The following FOCAD variants were observed in gnomAD, a reference collection of about 807,000 sequenced individuals.
FOCAD encodes the protein focadhesin.
In FOCAD, 198 loss-of-function variants were observed where a neutral mutation model predicts 225.6. The observed-to-expected ratio is 0.88, with a 90% CI of 0.78 to 0.99. The LOEUF is 0.99. Among genes scored for constraint, FOCAD ranks in the 50% least tolerant of loss-of-function variants. The probability of loss-of-function intolerance (pLI) is 0.00; values close to 1 mark genes in which losing one functional copy is unlikely to be tolerated. For missense variants in FOCAD, 2,713 were observed against 2,123.6 expected (o/e 1.28, Z -5.46); for synonymous variants, 897 against 755.0 (o/e 1.19, Z -3.08).
intron 42 of FOCAD, among the ~76,000 whole-genome samples, chr9:20,992,173 T>C (rs1255650984): frequency 6.6e-6 from 1 of 152,220 alleles, no homozygotes; most frequent in East Asian, 1.9e-4. Flanking sequence ...TAAATTACCC[T>C]GTATCTAATT....
intron 2 of FOCAD, among the ~76,000 whole-genome samples, chr9:20,661,558 G>A (rs1415687852): frequency 6.6e-6 from 1 of 152,200 alleles, no homozygotes; most frequent in Admixed American, 6.6e-5. Flanking sequence ...AGAGGGAACT[G>A]TTAAACTGAG....
chr9:20,968,644 G>A (rs1049194864), intron 35 of FOCAD, among the ~76,000 whole-genome samples: 23 of 151,966 alleles, frequency 1.5e-4, no homozygotes, highest in Admixed American at 4.6e-4. Context: ...GTTTGACCAT[G>A]CTGTCTAGGC....
chr9:20,794,913 AT>A (rs1820894598), intron 11 of FOCAD, among the ~76,000 whole-genome samples: 1 of 152,162 alleles, frequency 6.6e-6, no homozygotes, highest in African/African-American at 2.4e-5. Flanking sequence ...TATTTCAATA[AT>A]TTTTTTCTTA....
At chr9:20,886,611 G>T (rs370687899) in intron 21 of FOCAD, among the ~76,000 whole-genome samples, 3 of 152,300 alleles carry the variant, frequency 2.0e-5, no homozygotes, top group East Asian at 3.9e-4. Context: ...TAAGATACTT[G>T]TTGCTTGTGC....
chr9:20,953,853 A>G (rs1244971356), intron 35 of FOCAD, among the ~76,000 whole-genome samples: 1 of 152,164 alleles, frequency 6.6e-6, no homozygotes, highest in Non-Finnish European at 1.5e-5. Context: ...CAGTGCCTGT[A>G]TTATAGCAAG....
At chr9:20,739,603 A>T (rs912305383) in intron 4 of FOCAD, among the ~76,000 whole-genome samples, 1 of 96,148 alleles carries the variant, frequency 1.0e-5, no homozygotes. Context: ...AACTCCATCT[A>T]AAAAAAAAAA....
chr9:20,712,930 G>A (rs764178609), intron 1 of FOCAD, among the ~76,000 whole-genome samples: 5 of 151,652 alleles, frequency 3.3e-5, no homozygotes, highest in Non-Finnish European at 7.4e-5. Context: ...ACAGGGTTTC[G>A]CCATGTTGGC....
intron 2 of FOCAD, among the ~76,000 whole-genome samples, chr9:20,668,205 G>A (rs911104147): frequency 2.0e-5 from 3 of 152,034 alleles, no homozygotes; most frequent in Non-Finnish European, 4.4e-5. Context: ...CTCTATTTGA[G>A]AGTTCATTGC....
At chr9:20,940,320 G>C (rs1330492699) in intron 28 of FOCAD, among the ~76,000 whole-genome samples, 3 of 132,096 alleles carry the variant, frequency 2.3e-5, no homozygotes, top group Admixed American at 8.5e-5. Context: ...ATATCACTCT[G>C]TTGCTCAGGC....
intron 5 of FOCAD, among the ~76,000 whole-genome samples, chr9:20,742,966 CA>C (rs759799641): frequency 6.6e-5 from 10 of 152,258 alleles, no homozygotes; most frequent in Non-Finnish European, 1.0e-4. Context: ...GGCCGTTTAG[CA>C]CTATAAATCA....
intron 28 of FOCAD, among the ~76,000 whole-genome samples, chr9:20,941,856 A>G (rs1382702882): frequency 6.6e-6 from 1 of 152,196 alleles, no homozygotes; most frequent in Non-Finnish European, 1.5e-5. Flanking sequence ...TGCCCAAGCT[A>G]TTCTTGGTTC....
At chr9:20,939,346 A>G (rs1204170140) in intron 28 of FOCAD, among the ~76,000 whole-genome samples, 1 of 152,124 alleles carries the variant, frequency 6.6e-6, no homozygotes, top group Non-Finnish European at 1.5e-5. Flanking sequence ...TAGGAATAAG[A>G]TATTTTCATG....
intron 5 of FOCAD, among the ~76,000 whole-genome samples, chr9:20,754,574 C>G (rs1828872103): frequency 6.6e-6 from 1 of 151,208 alleles, no homozygotes; most frequent in Non-Finnish European, 1.5e-5. Flanking sequence ...CAATTTGGGA[C>G]TGGTGCAATG....
At chr9:20,716,587 C>G (rs992220779) in intron 2 of FOCAD, among the ~76,000 whole-genome samples, 1 of 151,998 alleles carries the variant, frequency 6.6e-6, no homozygotes, top group South Asian at 2.1e-4. Flanking sequence ...ATAGCTTTTT[C>G]TTTGTCCCTA....
At chr9:20,935,168 C>G (rs1835836693) in intron 28 of FOCAD, among the ~76,000 whole-genome samples, 1 of 152,130 alleles carries the variant, frequency 6.6e-6, no homozygotes. Flanking sequence ...TTTTGAATTC[C>G]TTTGCAGAGA....
chr9:20,874,906 A>G (rs969162730), intron 19 of FOCAD, 99 bp downstream of exon 19: 5 of 1,439,662 alleles, frequency 3.5e-6, no homozygotes, highest in South Asian at 1.2e-5. Flanking sequence ...GTTTAACCTT[A>G]TGTGCTTATT....
intron 24 of FOCAD, among the ~76,000 whole-genome samples, chr9:20,921,522 A>G (rs1043034682): frequency 3.9e-5 from 6 of 152,196 alleles, no homozygotes; most frequent in African/African-American, 1.4e-4. Context: ...TGTATTGAGT[A>G]CCTTCTATCC....
intron 8 of FOCAD, among the ~76,000 whole-genome samples, chr9:20,775,721 G>C (rs1279546662): frequency 6.6e-6 from 1 of 152,102 alleles, no homozygotes; most frequent in African/African-American, 2.4e-5. Flanking sequence ...TTAGTGCCTG[G>C]TGCATAGGTG....
At chr9:20,668,928 G>T (rs1003970265) in intron 2 of FOCAD, among the ~76,000 whole-genome samples, 2 of 151,542 alleles carry the variant, frequency 1.3e-5, no homozygotes, top group African/African-American at 2.4e-5. Flanking sequence ...TTCTCCTCTA[G>T]GTTCACGGTT....
Sources: allele counts gnomAD v4.1 joint callset (sites outside exome capture counted in the v4.1 genomes callset), GRCh38; gene constraint gnomAD v4.1.1; transcripts MANE v1.5; gene names NCBI Gene and HGNC (gene_info 2026-07-23, HGNC 2026-07-21).